Variants in CDKAL1 observed in about 807,000 individuals in gnomAD.
The protein encoded by CDKAL1 is CDKAL1 threonylcarbamoyladenosine tRNA methylthiotransferase.
CDKAL1 carries 32 observed loss-of-function variants against 68.2 expected under a neutral mutation model. That is an observed-to-expected ratio of 0.47 (90% CI 0.35 to 0.63). CDKAL1 has a LOEUF of 0.63. Ranked by LOEUF, CDKAL1 falls within the 30% of genes least tolerant of loss-of-function variation. The probability of loss-of-function intolerance (pLI) is 0.00; values close to 1 mark genes in which losing one functional copy is unlikely to be tolerated. For synonymous variants in CDKAL1, 234 were observed against 244.3 expected (o/e 0.96, Z 0.39); for missense variants, 606 against 696.7 (o/e 0.87, Z 1.47).
chr6:20,592,287 A>T (rs541967348), intron 4 of CDKAL1, among the ~76,000 whole-genome samples: 5 of 152,254 alleles, frequency 3.3e-5, no homozygotes, highest in Admixed American at 3.3e-4. Flanking sequence ...TGAATATACA[A>T]TCATGTCATC....
chr6:21,058,155 T>C (rs1770940586), intron 11 of CDKAL1, among the ~76,000 whole-genome samples: 2 of 152,216 alleles, frequency 1.3e-5, no homozygotes, highest in African/African-American at 4.8e-5. Context: ...CTAAGTCTCT[T>C]TGTAGGTCTC....
At chr6:21,077,491 T>C (rs530900986) in intron 12 of CDKAL1, among the ~76,000 whole-genome samples, 17 of 152,342 alleles carry the variant, frequency 1.1e-4, no homozygotes, top group Admixed American at 7.8e-4. Context: ...GAAAAAAAGC[T>C]TAATTGTGCT....
intron 10 of CDKAL1, among the ~76,000 whole-genome samples, chr6:20,983,050 A>G (rs562862597): frequency 2.0e-5 from 3 of 152,342 alleles, no homozygotes; most frequent in South Asian, 4.1e-4. Context: ...CTGGCTTACC[A>G]TGTAGTAACT....
chr6:20,629,777 T>C (rs1286504660), intron 4 of CDKAL1, among the ~76,000 whole-genome samples: 1 of 151,956 alleles, frequency 6.6e-6, no homozygotes, highest in East Asian at 1.9e-4. Flanking sequence ...CCTGTAGAGA[T>C]GCCCCATGTT....
At chr6:21,102,360 G>C (rs1001909489) in intron 12 of CDKAL1, among the ~76,000 whole-genome samples, 1 of 152,042 alleles carries the variant, frequency 6.6e-6, no homozygotes, top group African/African-American at 2.4e-5. Context: ...ACCCACCCCC[G>C]CAGGAAGTTC....
At chr6:21,214,492 C>T (rs1779272797) in intron 15 of CDKAL1, among the ~76,000 whole-genome samples, 2 of 151,946 alleles carry the variant, frequency 1.3e-5, no homozygotes, top group African/African-American at 2.4e-5. Context: ...CATGAACACA[C>T]GAGGTCTGCT....
chr6:20,648,015 C>T (rs1768559584), intron 4 of CDKAL1, among the ~76,000 whole-genome samples: 1 of 144,800 alleles, frequency 6.9e-6, no homozygotes, highest in Non-Finnish European at 1.5e-5. Flanking sequence ...ACGGAGGTTG[C>T]AGTGAGCGGA....
At chr6:21,162,124 T>C (rs1776954203) in intron 13 of CDKAL1, among the ~76,000 whole-genome samples, 1 of 152,204 alleles carries the variant, frequency 6.6e-6, no homozygotes, top group Non-Finnish European at 1.5e-5. Flanking sequence ...AAGAGATTAT[T>C]TCAAACTCCA....
At chr6:20,718,486 A>G (rs1772195425) in intron 5 of CDKAL1, among the ~76,000 whole-genome samples, 1 of 152,186 alleles carries the variant, frequency 6.6e-6, no homozygotes, top group East Asian at 1.9e-4. Flanking sequence ...TGACTTGAGT[A>G]CTGTTTAGGG....
At chr6:20,932,330 GCA>G (rs888062894) in intron 9 of CDKAL1, among the ~76,000 whole-genome samples, 8 of 152,040 alleles carry the variant, frequency 5.3e-5, no homozygotes, top group African/African-American at 1.9e-4. Flanking sequence ...GATCACTGGG[GCA>G]CACAGTTTTG....
At chr6:20,638,453 G>A (rs149693223) in intron 4 of CDKAL1, among the ~76,000 whole-genome samples, 164 of 152,232 alleles carry the variant, frequency 1.1e-3, no homozygotes, top group African/African-American at 3.8e-3. Flanking sequence ...GCTCACTGTG[G>A]CTGTAACATT....
chr6:20,975,748 A>T (rs1765816694), intron 10 of CDKAL1, among the ~76,000 whole-genome samples: 1 of 152,226 alleles, frequency 6.6e-6, no homozygotes, highest in South Asian at 2.1e-4. Context: ...TAATTTTAAG[A>T]TACAAAGCTT....
chr6:21,066,904 G>A (rs976943179), intron 12 of CDKAL1, among the ~76,000 whole-genome samples: 2 of 152,188 alleles, frequency 1.3e-5, no homozygotes, highest in African/African-American at 4.8e-5. Flanking sequence ...AGTATTACAG[G>A]TGTGAGCCAC....
intron 2 of CDKAL1, among the ~76,000 whole-genome samples, chr6:20,541,665 CTT>C (rs111616577): frequency 1.4e-5 from 2 of 145,876 alleles, no homozygotes; most frequent in Non-Finnish European, 3.0e-5. Context: ...GATTGACAGT[CTT>C]TTTTTTTTTT....
chr6:20,665,126 C>A (rs980220084), intron 5 of CDKAL1, among the ~76,000 whole-genome samples: 4 of 151,926 alleles, frequency 2.6e-5, no homozygotes, highest in African/African-American at 7.3e-5. Flanking sequence ...GAGTCCAGGA[C>A]CTAGAATCTG....
chr6:20,909,822 C>T (rs748340737), intron 9 of CDKAL1, among the ~76,000 whole-genome samples: 2 of 152,154 alleles, frequency 1.3e-5, no homozygotes, highest in Non-Finnish European at 2.9e-5. Flanking sequence ...GACTGAGCAG[C>T]AGGTCCTATT....
chr6:20,737,298 C>T (rs1244551696), intron 5 of CDKAL1, among the ~76,000 whole-genome samples: 3 of 152,146 alleles, frequency 2.0e-5, no homozygotes, highest in African/African-American at 4.8e-5. Context: ...CCAAGGACAC[C>T]TTACTGAATG....
intron 13 of CDKAL1, among the ~76,000 whole-genome samples, chr6:21,159,478 T>G (rs1392922931): frequency 1.3e-5 from 2 of 152,232 alleles, no homozygotes; most frequent in African/African-American, 4.8e-5. Context: ...CCTGTGACAC[T>G]ACTCTTCATA....
At chr6:21,182,185 CA>C (rs1457548083) in intron 13 of CDKAL1, among the ~76,000 whole-genome samples, 7 of 152,002 alleles carry the variant, frequency 4.6e-5, no homozygotes, top group Admixed American at 3.3e-4. Context: ...AAGATGATAA[CA>C]AAAAATACAG....
Sources: allele counts gnomAD v4.1 joint callset (sites outside exome capture counted in the v4.1 genomes callset), GRCh38; gene constraint gnomAD v4.1.1; transcripts MANE v1.5; gene names NCBI Gene and HGNC (gene_info 2026-07-23, HGNC 2026-07-21).